The following RNF13 variants were observed in gnomAD, a reference collection of about 807,000 sequenced individuals.
RNF13 encodes ring finger protein 13.
A neutral mutation model predicts 37.7 loss-of-function variants in RNF13; 19 were observed. The observed-to-expected ratio is 0.50, with a 90% CI of 0.35 to 0.74. The LOEUF (loss-of-function observed/expected upper bound fraction) is 0.74. RNF13 is among the 30% of genes least tolerant of loss of function. RNF13 has a pLI of 0.01. For synonymous variants in RNF13, 144 were observed against 157.8 expected (o/e 0.91, Z 0.65); for missense variants, 375 against 453.0 (o/e 0.83, Z 1.56).
chr3:149,890,329 A>G (rs909572651), intron 4 of RNF13, among the ~76,000 whole-genome samples: 1 of 152,132 alleles, frequency 6.6e-6, no homozygotes. Context: ...TGAACTCTTG[A>G]CTGAGGAGAC....
Position 149,831,604 on chromosome 3 carries a change from C to T in RNF13, c.-16-14407C>T, listed in dbSNP as rs368531593. Among the ~76,000 whole-genome samples the T allele has an allele frequency of 3.9e-4, 59 of 152,226 alleles. No homozygotes were observed. The East Asian group carries it at 4.2e-3, about 11-fold the overall frequency. On this transcript the variant is annotated intron_variant, in intron 1 of 9. Coordinates refer to ENST00000392894, the MANE Select transcript of RNF13 (RefSeq NM_183381.3). ...GCTTTTGATTTTACAGGCTCATAGG[C>T]GGAACGGACTTACCTTGTTTCAGAT... is the stretch of plus-strand genomic sequence containing the variant.
At chr3:149,924,403 A>G (rs1286563400) in intron 8 of RNF13, among the ~76,000 whole-genome samples, 3 of 152,186 alleles carry the variant, frequency 2.0e-5, no homozygotes, top group African/African-American at 7.2e-5. Flanking sequence ...GAGAGAGAAT[A>G]CCAAAGACAC....
At chr3:149,950,497 G>A (rs550693931) in intron 8 of RNF13, among the ~76,000 whole-genome samples, 39 of 152,198 alleles carry the variant, frequency 2.6e-4, no homozygotes, top group African/African-American at 6.3e-4. Context: ...AGGACAGAGC[G>A]AAGCTCTCAC....
At chr3:149,884,426 G>A (rs749841096) in intron 4 of RNF13, among the ~76,000 whole-genome samples, 18 of 151,732 alleles carry the variant, frequency 1.2e-4, no homozygotes, top group Non-Finnish European at 2.6e-4. Context: ...GTCAGAGCTT[G>A]AACTCTTCCT....
intron 6 of RNF13, among the ~76,000 whole-genome samples, chr3:149,906,133 TTCA>T (rs1311862377): frequency 6.6e-6 from 1 of 152,232 alleles, no homozygotes; most frequent in Non-Finnish European, 1.5e-5. Flanking sequence ...GTTTTCAAGG[TTCA>T]TCATATTGTA....
intron 3 of RNF13, among the ~76,000 whole-genome samples, chr3:149,867,038 G>A (rs1487363079): frequency 7.2e-5 from 11 of 152,024 alleles, no homozygotes; most frequent in East Asian, 3.9e-4. Flanking sequence ...AGGACTTTTC[G>A]GTTATTGATT....
At chr3:149,888,775 A>G (rs1477622314) in intron 4 of RNF13, among the ~76,000 whole-genome samples, 1 of 152,212 alleles carries the variant, frequency 6.6e-6, no homozygotes, top group Non-Finnish European at 1.5e-5. Context: ...TAGCCTGGAC[A>G]TATACACATG....
chr3:149,838,333 T>C (rs984998083), intron 1 of RNF13, among the ~76,000 whole-genome samples: 10 of 152,208 alleles, frequency 6.6e-5, no homozygotes, highest in Middle Eastern at 3.2e-3. Context: ...GGTGCCTCAG[T>C]AGGGACTCTG....
At chr3:149,939,762 C>T (rs1720070603) in intron 8 of RNF13, 5 of 617,012 alleles carry the variant, frequency 8.1e-6, no homozygotes, top group Admixed American at 7.4e-5. Context: ...TCTGGGGCCT[C>T]AGAGGGCTCA....
intron 6 of RNF13, among the ~76,000 whole-genome samples, chr3:149,903,098 C>T (rs946054532): frequency 6.6e-6 from 1 of 152,042 alleles, no homozygotes; most frequent in African/African-American, 2.4e-5. Context: ...TTTCTGTTTA[C>T]TGTTATTGTT....
chr3:149,872,173 A>G lies in RNF13; in HGVS notation c.321+19A>G. On this transcript the variant is annotated intron_variant, in intron 4 of 9. Transcript: ENST00000392894. ...TATAAAGGTATGATTATCTTTTTTCATTTTTTGTTTCCTATTTGTTCAGTT... is the reference window on the plus strand; with the variant it reads ...TATAAAGGTATGATTATCTTTTTTCGTTTTTTGTTTCCTATTTGTTCAGTT... 2 of 1,488,484 alleles carry G rather than the reference A, an allele frequency of 1.3e-6. No individual in the cohort carries two copies. Among genetic ancestry groups the G allele is most frequent in the East Asian group, 4.6e-5 (2 of 43,240 alleles). 92.2% of individuals were successfully genotyped at this position (1,488,484 alleles called of 1,614,324 possible).
At chr3:149,954,442 A>G (rs1385027804) in intron 8 of RNF13, among the ~76,000 whole-genome samples, 1 of 152,166 alleles carries the variant, frequency 6.6e-6, no homozygotes, top group African/African-American at 2.4e-5. Context: ...AAAAAACAAA[A>G]AAGAAAAAAA....
intron 5 of RNF13, 136 bp downstream of exon 5, chr3:149,895,696 C>G (rs1391386349): frequency 3.3e-5 from 17 of 518,956 alleles, no homozygotes; most frequent in Non-Finnish European, 5.6e-5. Flanking sequence ...TCATTCTTAA[C>G]TCTGGATGAT....
At chr3:149,824,922 C>T (rs1720339657) in intron 1 of RNF13, among the ~76,000 whole-genome samples, 1 of 151,348 alleles carries the variant, frequency 6.6e-6, no homozygotes, top group South Asian at 2.1e-4. Flanking sequence ...ATTTCATCAC[C>T]CACGTATTAA....
chr3:149,828,449 C>A (rs115028363), intron 1 of RNF13, among the ~76,000 whole-genome samples: 100 of 152,262 alleles, frequency 6.6e-4, no homozygotes, highest in African/African-American at 2.4e-3. Flanking sequence ...GTACACTGTG[C>A]ATGATATTTG....
At chr3:149,816,726 A>G (rs537564137) in intron 1 of RNF13, among the ~76,000 whole-genome samples, 8 of 152,350 alleles carry the variant, frequency 5.3e-5, no homozygotes, top group African/African-American at 1.7e-4. Flanking sequence ...TAAATGTCAG[A>G]CTAAAGATTT....
intron 4 of RNF13, among the ~76,000 whole-genome samples, chr3:149,888,890 T>C (rs1050784041): frequency 1.3e-5 from 2 of 152,182 alleles, no homozygotes; most frequent in African/African-American, 2.4e-5. Flanking sequence ...AATGTAACAA[T>C]GTGAATAGAT....
chr3:149,860,269 AAATATAT>A (rs1284419740), intron 3 of RNF13, among the ~76,000 whole-genome samples: 1,247 of 100,304 alleles, frequency 0.012, 32 homozygotes, highest in African/African-American at 0.041. Flanking sequence ...AAAAAAAAAA[AAATATAT>A]ATATATATAT....
At position 149,875,913 on chromosome 3, in the gene RNF13, G is replaced by A. The variant is rs551976196; in HGVS notation, c.321+3759G>A. On this transcript the variant is annotated intron_variant, in intron 4 of 9. Coordinates refer to ENST00000392894, the MANE Select transcript of RNF13 (RefSeq NM_183381.3). ...TACTGTGACAAAAATTGACTTTGAAGCATTTTGAGGGAGATATTTCTCAAA... is the reference window on the plus strand; with the variant it reads ...TACTGTGACAAAAATTGACTTTGAAACATTTTGAGGGAGATATTTCTCAAA... Among the ~76,000 whole-genome samples the A allele has an allele frequency of 2.8e-3, 423 of 152,398 alleles. 2 individuals carry two copies. Among genetic ancestry groups the A allele is most frequent in the African/African-American group, 9.7e-3 (405 of 41,592 alleles).
Sources: gnomAD v4.1 joint callset for allele counts (sites outside exome capture counted in the v4.1 genomes callset) on GRCh38, gnomAD v4.1.1 for gene constraint, MANE v1.5 for transcripts, NCBI Gene and HGNC (gene_info 2026-07-23, HGNC 2026-07-21) for gene names.